UBE2E2: variants seen among roughly 807,000 people sequenced by gnomAD.
UBE2E2 encodes ubiquitin conjugating enzyme E2 E2.
In UBE2E2, 6 loss-of-function variants were observed where a neutral mutation model predicts 24.7. That is an observed-to-expected ratio of 0.24 (90% CI 0.13 to 0.48). The LOEUF (loss-of-function observed/expected upper bound fraction) is 0.48. UBE2E2 is among the 20% of genes least tolerant of loss of function. The pLI is 0.99. For missense variants in UBE2E2, 169 were observed against 245.0 expected, an observed-to-expected ratio of 0.69 and a Z score of 2.07; for synonymous variants, 104 against 83.6, an observed-to-expected ratio of 1.24 and a Z score of -1.33.
rs189278823 is a variant in UBE2E2 at position 23,394,600 on chromosome 3, A to G, written c.228-105008A>G. ...GTATCAGGATTCTAGAGAAGGAAGT[A>G]CAGAGGGAGAGACTCAACTCTGTCC... On this transcript the variant is annotated intron_variant, in intron 3 of 5. Transcript: ENST00000396703. Among the ~76,000 whole-genome samples, 192 of 152,306 alleles carry G rather than the reference A, an allele frequency of 1.3e-3. 1 individual carries two copies. Among genetic ancestry groups the G allele is most frequent in the African/African-American group, 4.3e-3 (180 of 41,578 alleles).
At chr3:23,241,746 G>T (rs957172716) in intron 3 of UBE2E2, among the ~76,000 whole-genome samples, 7 of 152,088 alleles carry the variant, frequency 4.6e-5, no homozygotes, top group African/African-American at 1.7e-4. Context: ...ATTAGAATGT[G>T]AATATCTGAA....
At chr3:23,347,963 G>A (rs771540408) in intron 3 of UBE2E2, among the ~76,000 whole-genome samples, 45 of 151,734 alleles carry the variant, frequency 3.0e-4, no homozygotes, top group Non-Finnish European at 6.3e-4. Flanking sequence ...TCCATATAAA[G>A]CCATGCCAGT....
intron 5 of UBE2E2, among the ~76,000 whole-genome samples, chr3:23,563,334 A>G (rs1315106525): frequency 6.6e-6 from 1 of 152,180 alleles, no homozygotes; most frequent in Admixed American, 6.5e-5. Context: ...TGTACCCAGT[A>G]GTGATTCAGG....
intron 3 of UBE2E2, among the ~76,000 whole-genome samples, chr3:23,324,472 T>G (rs1278050250): frequency 6.6e-6 from 1 of 152,168 alleles, no homozygotes; most frequent in East Asian, 1.9e-4. Flanking sequence ...GTGTTTTCTC[T>G]GCCTTTCCTC....
At chr3:23,383,668 G>T (rs913349206) in intron 3 of UBE2E2, among the ~76,000 whole-genome samples, 26 of 151,922 alleles carry the variant, frequency 1.7e-4, no homozygotes, top group Non-Finnish European at 2.6e-4. Context: ...AAGTGTTGGG[G>T]TGTAACTTGC....
rs551369212 is a variant in UBE2E2, at chr3:23,224,681, A to G, written c.227+7369A>G. Among the ~76,000 whole-genome samples, 47 of 151,854 alleles carry G rather than the reference A, an allele frequency of 3.1e-4. No individual in the cohort carries two copies. In the South Asian group the frequency reaches 8.9e-3, roughly 29 times the overall value. ...CCTAATTGCTCTGGCCTTTGTTCCT[A>G]CTTGTTACCAAATAAACTTCCATTT... On this transcript the variant is annotated intron_variant, in intron 3 of 5. Coordinates refer to ENST00000396703, the MANE Select transcript of UBE2E2 (RefSeq NM_152653.4).
At chr3:23,271,297 T>G (rs1307966698) in intron 3 of UBE2E2, 1 of 296,248 alleles carries the variant, frequency 3.4e-6, no homozygotes, top group Non-Finnish European at 6.6e-6. Context: ...TTCTGGAGTT[T>G]CTTCCTTCTG....
chr3:23,376,522 C>T (rs552504594), intron 3 of UBE2E2, among the ~76,000 whole-genome samples: 4 of 152,164 alleles, frequency 2.6e-5, no homozygotes, highest in African/African-American at 4.8e-5. Flanking sequence ...GGATGGAAGC[C>T]GTCTTCTGTG....
At chr3:23,313,386 C>CTTTTTTTTTTTTTTTTTTTTTT (rs34208918) in intron 3 of UBE2E2, among the ~76,000 whole-genome samples, 1 of 111,872 alleles carries the variant, frequency 8.9e-6, no homozygotes. Flanking sequence ...ATCATTGGGT[C>CTTTTTTTTTTTTTTTTTTTTTT]TTTTTTTTTT....
Position 23,490,260 on chromosome 3 carries a change from T to A in UBE2E2, c.228-9348T>A, listed in dbSNP as rs1699469023. 5.3e-5 allele frequency among the ~76,000 whole-genome samples: 8 copies of A among 152,330 alleles called. No homozygotes were observed. The South Asian group carries it at 1.7e-3, about 32-fold the overall frequency. On this transcript the variant is annotated intron_variant, in intron 3 of 5. Transcript: ENST00000396703. ...TATATACATGTTGAACATCTGAAAT[T>A]TGAAAATTTTAAATCTGAAAAACTT...
chr3:23,388,481 G>A (rs1291352653), intron 3 of UBE2E2, among the ~76,000 whole-genome samples: 1 of 152,088 alleles, frequency 6.6e-6, no homozygotes, highest in Middle Eastern at 3.2e-3. Context: ...GTGCATTTTT[G>A]TGGAAATATA....
intron 3 of UBE2E2, among the ~76,000 whole-genome samples, chr3:23,357,218 T>G (rs1240671530): frequency 1.3e-5 from 2 of 152,182 alleles, no homozygotes; most frequent in African/African-American, 4.8e-5. Context: ...CTAGTACACC[T>G]TATTTGGGCA....
chr3:23,571,003 C>G (rs1430840663), intron 5 of UBE2E2, among the ~76,000 whole-genome samples: 1 of 152,062 alleles, frequency 6.6e-6, no homozygotes, highest in African/African-American at 2.4e-5. Context: ...CAACATAACT[C>G]TTAATAAATG....
At chr3:23,349,217 A>C (rs1695652170) in intron 3 of UBE2E2, among the ~76,000 whole-genome samples, 2 of 152,046 alleles carry the variant, frequency 1.3e-5, no homozygotes, top group Non-Finnish European at 2.9e-5. Flanking sequence ...GCCATCCTGG[A>C]AGGACAGTAA....
chr3:23,333,064 A>G (rs995460462), intron 3 of UBE2E2, among the ~76,000 whole-genome samples: 1 of 152,148 alleles, frequency 6.6e-6, no homozygotes, highest in Non-Finnish European at 1.5e-5. Context: ...TGCAGGTCCC[A>G]CTGATATCTC....
chr3:23,288,359 C>T (rs1027104386), intron 3 of UBE2E2, among the ~76,000 whole-genome samples: 31 of 152,234 alleles, frequency 2.0e-4, no homozygotes, highest in Admixed American at 7.9e-4. Flanking sequence ...GGGAATGATT[C>T]ATGTGCTGAG....
At chr3:23,290,300 A>G (rs1323003480) in intron 3 of UBE2E2, among the ~76,000 whole-genome samples, 2 of 152,202 alleles carry the variant, frequency 1.3e-5, no homozygotes, top group Non-Finnish European at 2.9e-5. Flanking sequence ...GTGACGCTGC[A>G]AAGGGTCCAA....
At chr3:23,362,177 TC>T (rs1442839656) in intron 3 of UBE2E2, among the ~76,000 whole-genome samples, 1 of 151,948 alleles carries the variant, frequency 6.6e-6, no homozygotes. Context: ...CACATTAGGG[TC>T]CATCAAGGCA....
chr3:23,356,045 TG>T (rs1006407122), intron 3 of UBE2E2, among the ~76,000 whole-genome samples: 12 of 152,314 alleles, frequency 7.9e-5, no homozygotes, highest in East Asian at 3.9e-4. Context: ...TGCAATTAAT[TG>T]TATAGAAAGC....
Sources: allele counts gnomAD v4.1 joint callset (sites outside exome capture counted in the v4.1 genomes callset), GRCh38; gene constraint gnomAD v4.1.1; transcripts MANE v1.5; gene names NCBI Gene and HGNC (gene_info 2026-07-23, HGNC 2026-07-21).